The following SLC35F5 variants were observed in gnomAD, a reference collection of about 807,000 sequenced individuals.
SLC35F5 encodes the protein HCV NS5A-transactivated protein 3.
Under a neutral mutation model 68.6 loss-of-function variants are expected in SLC35F5, and 54 were observed. The ratio of observed to expected loss-of-function variants is 0.79; its 90% confidence interval spans 0.63 to 0.99. SLC35F5 has a LOEUF of 0.99. SLC35F5 is among the 50% of genes least tolerant of loss of function. The pLI is 0.00. For missense variants in SLC35F5, 567 were observed against 626.9 expected, an observed-to-expected ratio of 0.90 and a Z score of 1.02; for synonymous variants, 211 against 205.2, an observed-to-expected ratio of 1.03 and a Z score of -0.24.
In SLC35F5 at chr2:113,719,209, T is replaced by A; in HGVS notation, c.1441A>T (p.Met481Leu). 6.2e-7 allele frequency: 1 copy of A among 1,609,286 alleles called. No individual in the cohort carries two copies. Among genetic ancestry groups the A allele is most frequent in the Non-Finnish European group, 8.5e-7 (1 of 1,179,178 alleles). ...GCAAATATTCTTCTGATTCCCACCA[T>A]CACAGGATCCCAATTATTATAATGG... ...LCHYNNWDPVMVGIRRIFAFI... is the reference protein window; with the variant it reads ...LCHYNNWDPVLVGIRRIFAFI... Residue 481 changes from methionine to leucine, a missense_variant, in exon 14 of 16, where the codon ATG (methionine) becomes TTG (leucine). Physicochemically the swap from Met to Leu is conservative, Grantham distance 15. Coordinates refer to ENST00000245680, the MANE Select transcript of SLC35F5 (RefSeq NM_025181.5).
Position 113,742,876 on chromosome 2 carries a change from G to A in SLC35F5, c.566C>T (p.Pro189Leu), listed in dbSNP as rs750222499. 7.4e-6 allele frequency: 12 copies of A among 1,611,636 alleles called. No homozygotes were observed. Among genetic ancestry groups the A allele is most frequent in the Non-Finnish European group, 9.3e-6 (11 of 1,178,214 alleles). Residue 189 changes from proline (P) to leucine (L), a missense_variant, in exon 7 of 16, where the codon CCC becomes CTC. Pro to Leu is a moderately conservative substitution (Grantham distance 98). Transcript: ENST00000245680. The part of the protein sequence containing the change: ...ESTNIDTEKT[P>L]KKSRVRFSNI... ...ACTGAACCTCACACGAGACTTTTTG[G>A]GGGCTTAAAAGGAAGAGCATAATAT...
chr2:113,734,308 A>G (rs948406033), intron 9 of SLC35F5, among the ~76,000 whole-genome samples: 2 of 152,330 alleles, frequency 1.3e-5, no homozygotes, highest in African/African-American at 4.8e-5. Flanking sequence ...AAGCTGCTAC[A>G]TTAAGTGTGA....
chr2:113,705,346 G>A (rs1686775628), downstream of SLC35F5: 1 of 152,350 alleles, frequency 6.6e-6, no homozygotes, highest in African/African-American at 2.4e-5. Flanking sequence ...GAGTTCAAGA[G>A]ATCGAGACCA....
intron 7 of SLC35F5, among the ~76,000 whole-genome samples, chr2:113,741,258 A>C (rs1676261324): frequency 6.7e-6 from 1 of 148,922 alleles, no homozygotes; most frequent in South Asian, 2.3e-4. Flanking sequence ...GAAACAGAAT[A>C]GTGGTTGCCA....
At position 113,756,607 on chromosome 2, in the gene SLC35F5, G is replaced by C; in HGVS notation, c.-198C>G. 7.3e-7 allele frequency: 1 copy of C among 1,375,124 alleles called. No homozygotes were observed. The highest frequency in any genetic ancestry group is 9.5e-7 in the Non-Finnish European group (1 of 1,054,266). 85.2% of individuals were successfully genotyped at this position (1,375,124 alleles called of 1,614,324 possible). A position where few individuals can be genotyped will look rare whatever the true frequency, so the allele number is the denominator to read the frequency against. On this transcript the variant is annotated 5_prime_UTR_variant, in exon 1 of 16. Coordinates refer to ENST00000245680, the MANE Select transcript of SLC35F5 (RefSeq NM_025181.5). ...GTGGAGCGGGTGAGGGGAAGGGACG[G>C]CACAGTCAGCTATGGCCGCGGAGGC... is the stretch of plus-strand genomic sequence containing the variant.
chr2:113,744,187 C>T (rs1676394426), intron 5 of SLC35F5, among the ~76,000 whole-genome samples: 1 of 152,026 alleles, frequency 6.6e-6, no homozygotes, highest in African/African-American at 2.4e-5. Flanking sequence ...GTTCTAAGTC[C>T]TGGGGATAGA....
downstream of SLC35F5, chr2:113,704,145 A>C (rs540329229): frequency 3.8e-4 from 58 of 152,552 alleles, no homozygotes; most frequent in African/African-American, 1.3e-3. Context: ...AAGCTCCCAC[A>C]GCTCGGTAAG....
At chr2:113,749,272 C>T (rs772079596) in intron 4 of SLC35F5, among the ~76,000 whole-genome samples, 4 of 152,186 alleles carry the variant, frequency 2.6e-5, no homozygotes, top group African/African-American at 4.8e-5. Context: ...GAGGCCAAGA[C>T]GGTGGAATGC....
chr2:113,732,174 C>G (rs559816076), intron 9 of SLC35F5, among the ~76,000 whole-genome samples: 1 of 152,068 alleles, frequency 6.6e-6, no homozygotes. Context: ...ACTATCCTTA[C>G]GTGCTTAAAC....
In SLC35F5 at chr2:113,712,694, C is replaced by T. The variant is rs902657554; in HGVS notation, c.*2524G>A. The T allele has an allele frequency of 1.3e-5, 2 of 152,190 alleles. No homozygotes were observed. Among genetic ancestry groups the T allele is most frequent in the Non-Finnish European group, 2.9e-5 (2 of 68,032 alleles). 9.4% of individuals were successfully genotyped at this position (152,190 alleles called of 1,614,324 possible). On this transcript the variant is annotated 3_prime_UTR_variant, in exon 16 of 16. Transcript: ENST00000245680. ...TTCTGATGTTCACCTAACAAAGTCC[C>T]TGACAAAACAGACTTCCTTCAATCC...
intron 10 of SLC35F5, among the ~76,000 whole-genome samples, chr2:113,731,055 A>G (rs1487825869): frequency 6.6e-6 from 1 of 152,162 alleles, no homozygotes; most frequent in Non-Finnish European, 1.5e-5. Flanking sequence ...AAACAATATC[A>G]CTTCCATTAT....
chr2:113,721,971 CTTT>C (rs71297192), intron 13 of SLC35F5, among the ~76,000 whole-genome samples: 6 of 107,650 alleles, frequency 5.6e-5, no homozygotes, highest in Non-Finnish European at 1.1e-4. Context: ...TTGCTTTTAT[CTTT>C]TTTTTTTTTT....
At chr2:113,718,224 G>A (rs1233774199) in intron 14 of SLC35F5, among the ~76,000 whole-genome samples, 1 of 151,878 alleles carries the variant, frequency 6.6e-6, no homozygotes, top group East Asian at 1.9e-4. Context: ...GCTTGGGACT[G>A]CAGGTATATG....
chr2:113,703,791 C>T (rs1257254829), downstream of SLC35F5: 1 of 152,188 alleles, frequency 6.6e-6, no homozygotes, highest in Non-Finnish European at 1.5e-5. Context: ...TCTTCACTGA[C>T]TCCACAATTG....
chr2:113,726,277 CAT>C (rs1350108435), intron 11 of SLC35F5, among the ~76,000 whole-genome samples: 10 of 152,014 alleles, frequency 6.6e-5, no homozygotes, highest in Admixed American at 6.5e-4. Flanking sequence ...AGACAAAACA[CAT>C]AAAATATAGC....
At chr2:113,741,221 T>C (rs773304609) in intron 7 of SLC35F5, among the ~76,000 whole-genome samples, 3 of 152,172 alleles carry the variant, frequency 2.0e-5, no homozygotes, top group Admixed American at 6.5e-5. Flanking sequence ...CATGAGGTAC[T>C]TATGAGTAGT....
intron 5 of SLC35F5, among the ~76,000 whole-genome samples, chr2:113,744,686 G>T (rs1440846952): frequency 6.6e-6 from 1 of 152,156 alleles, no homozygotes; most frequent in African/African-American, 2.4e-5. Context: ...AGGAGACGGA[G>T]GTTGTGCAGT....
In SLC35F5 at chr2:113,750,584, T is replaced by C. The variant is rs1676694598; in HGVS notation, c.274-16A>G. ...TAAAAACATACTGTAGAGGAAAAAG[T>C]TACACAGACAACTCTGAGATGACCT... On this transcript the variant is annotated splice_polypyrimidine_tract_variant and intron_variant, in intron 3 of 15. Coordinates refer to ENST00000245680, the MANE Select transcript of SLC35F5 (RefSeq NM_025181.5). 1 of 1,592,018 alleles carries C rather than the reference T, an allele frequency of 6.3e-7. No individual in the cohort carries two copies.
At chr2:113,735,548 T>C (rs1384906844) in intron 8 of SLC35F5, among the ~76,000 whole-genome samples, 1 of 152,220 alleles carries the variant, frequency 6.6e-6, no homozygotes, top group African/African-American at 2.4e-5. Flanking sequence ...AAAAATACAG[T>C]ATTATAATCT....
Sources: allele counts gnomAD v4.1 joint callset (sites outside exome capture counted in the v4.1 genomes callset), GRCh38; gene constraint gnomAD v4.1.1; transcripts MANE v1.5; gene names NCBI Gene and HGNC (gene_info 2026-07-23, HGNC 2026-07-21).